SRGAP3: variants seen among roughly 807,000 people sequenced by gnomAD.
SRGAP3 encodes the protein SLIT-ROBO Rho GTPase-activating protein 3.
In SRGAP3, 39 loss-of-function variants were observed where a neutral mutation model predicts 121.1. The observed-to-expected ratio is 0.32, with a 90% CI of 0.25 to 0.42. SRGAP3 has a LOEUF of 0.42. Ranked by LOEUF, SRGAP3 falls within the 10% of genes least tolerant of loss-of-function variation. SRGAP3 has a pLI of 1.00. For missense variants in SRGAP3, 1,213 were observed against 1,470.6 expected, an observed-to-expected ratio of 0.82 and a Z score of 2.86; for synonymous variants, 601 against 570.0, an observed-to-expected ratio of 1.05 and a Z score of -0.77.
At chr3:9,129,468 CAAAAA>C (rs750384100) in intron 1 of SRGAP3, among the ~76,000 whole-genome samples, 2 of 68,998 alleles carry the variant, frequency 2.9e-5, no homozygotes, top group African/African-American at 4.6e-5. Context: ...GGTAGGTAAG[CAAAAA>C]AAAAAAAAAA....
At chr3:9,060,486 G>C (rs1318857820) in intron 5 of SRGAP3, 127 bp from the exon 6 acceptor site, 1 of 1,275,404 alleles carries the variant, frequency 7.8e-7, no homozygotes. Flanking sequence ...GAGTGCAGTG[G>C]TGTGATCATA....
chr3:9,162,242 T>C (rs1307488026), intron 1 of SRGAP3, among the ~76,000 whole-genome samples: 3 of 152,160 alleles, frequency 2.0e-5, no homozygotes, highest in Admixed American at 2.0e-4. Context: ...AGAATTTGAA[T>C]GTACTTAATG....
intron 1 of SRGAP3, among the ~76,000 whole-genome samples, chr3:9,360,364 C>T (rs2030729281): frequency 6.6e-6 from 1 of 152,162 alleles, no homozygotes; most frequent in Non-Finnish European, 1.5e-5. Context: ...GTTAAAAATG[C>T]ATTATAACCC....
At chr3:9,241,442 G>A (rs935957107) in intron 1 of SRGAP3, among the ~76,000 whole-genome samples, 4 of 152,196 alleles carry the variant, frequency 2.6e-5, no homozygotes, top group African/African-American at 9.7e-5. Flanking sequence ...GGAGGGGCCT[G>A]GAAGGAAGTG....
At chr3:9,241,574 T>C (rs1438330493) in intron 1 of SRGAP3, among the ~76,000 whole-genome samples, 2 of 152,192 alleles carry the variant, frequency 1.3e-5, no homozygotes. Context: ...TAAGAATATT[T>C]CCTCTCCCAG....
chr3:9,290,656 G>A (rs973902637), intron 3 of SRGAP3, among the ~76,000 whole-genome samples: 2 of 152,152 alleles, frequency 1.3e-5, no homozygotes, highest in African/African-American at 2.4e-5. Context: ...AAAACTTGCA[G>A]ATCCAAGCTA....
intron 3 of SRGAP3, among the ~76,000 whole-genome samples, chr3:9,301,005 C>T (rs1574984885): frequency 6.6e-6 from 1 of 152,134 alleles, no homozygotes; most frequent in Non-Finnish European, 1.5e-5. Context: ...CAGCTCAGCA[C>T]CTCTGGGAGC....
At chr3:9,180,878 G>A (rs540806720) in intron 1 of SRGAP3, among the ~76,000 whole-genome samples, 8 of 152,182 alleles carry the variant, frequency 5.3e-5, no homozygotes, top group Admixed American at 4.6e-4. Context: ...TACACCATCC[G>A]CCGGCTTCAC....
At chr3:9,346,416 T>A (rs1364129167) in intron 1 of SRGAP3, among the ~76,000 whole-genome samples, 1 of 152,160 alleles carries the variant, frequency 6.6e-6, no homozygotes, top group African/African-American at 2.4e-5. Flanking sequence ...CTTGTTTTTC[T>A]ATTTTTAATC....
At chr3:9,074,729 A>G (rs1202635327) in intron 4 of SRGAP3, among the ~76,000 whole-genome samples, 1 of 152,188 alleles carries the variant, frequency 6.6e-6, no homozygotes, top group Non-Finnish European at 1.5e-5. Context: ...ACCTTTGCCA[A>G]GATTTGCCTG....
rs73150023 is a variant in SRGAP3, at chr3:9,077,907, C to T, written c.486+2118G>A. On this transcript the variant is annotated intron_variant, in intron 4 of 21. Coordinates refer to ENST00000383836, the MANE Select transcript of SRGAP3 (RefSeq NM_014850.4). ...GTGAAGGGACTTGCCCAAGGCCACA[C>T]AGCTGGGTTCAAATGGAGCCTTTGG... Among the ~76,000 whole-genome samples, 923 of 152,326 alleles carry T rather than the reference C, an allele frequency of 6.1e-3. 9 individuals are homozygous for T. Among genetic ancestry groups the T allele is most frequent in the African/African-American group, 0.021 (871 of 41,576 alleles).
At chr3:9,334,271 G>C (rs978467235) in intron 1 of SRGAP3, among the ~76,000 whole-genome samples, 2 of 151,990 alleles carry the variant, frequency 1.3e-5, no homozygotes, top group African/African-American at 2.4e-5. Flanking sequence ...CAATTTCAAT[G>C]GTATTCAATC....
chr3:9,284,582 A>G (rs1559259335), intron 3 of SRGAP3, among the ~76,000 whole-genome samples: 2 of 152,202 alleles, frequency 1.3e-5, no homozygotes, highest in Non-Finnish European at 2.9e-5. Flanking sequence ...TGTAATCCCA[A>G]CATTTTAGAA....
At chr3:9,061,698 G>A (rs1249716094) in intron 5 of SRGAP3, among the ~76,000 whole-genome samples, 6 of 152,202 alleles carry the variant, frequency 3.9e-5, no homozygotes, top group Admixed American at 2.0e-4. Context: ...CCCTGCACAA[G>A]GTCATTTTCA....
chr3:9,207,878 C>A (rs1458085648), intron 1 of SRGAP3, among the ~76,000 whole-genome samples: 2 of 152,236 alleles, frequency 1.3e-5, no homozygotes, highest in Admixed American at 6.5e-5. Context: ...GTGTCCACCA[C>A]ACCATGCAAC....
intron 20 of SRGAP3, 116 bp from the exon 21 acceptor site, chr3:8,990,955 G>A (rs1019103531): frequency 8.7e-6 from 8 of 918,756 alleles, no homozygotes; most frequent in Admixed American, 6.1e-5. Context: ...AGCGGGTACA[G>A]TAAAGCCTCA....
At chr3:9,019,449 A>G (rs1399576006) in intron 14 of SRGAP3, among the ~76,000 whole-genome samples, 4 of 152,216 alleles carry the variant, frequency 2.6e-5, no homozygotes, top group Non-Finnish European at 5.9e-5. Context: ...ATTTAATCAG[A>G]GCTGCTGGGC....
intron 10 of SRGAP3, among the ~76,000 whole-genome samples, chr3:9,041,027 G>A (rs972358834): frequency 5.3e-5 from 8 of 152,366 alleles, no homozygotes; most frequent in Admixed American, 2.0e-4. Context: ...TGTAGAATGA[G>A]TGAATGAATG....
At chr3:9,187,370 G>A (rs951476998) in intron 1 of SRGAP3, among the ~76,000 whole-genome samples, 12 of 152,146 alleles carry the variant, frequency 7.9e-5, no homozygotes, top group Non-Finnish European at 1.8e-4. Flanking sequence ...CATCACTGCT[G>A]TCCAGTGATT....
Sources: gnomAD v4.1 joint callset for allele counts (sites outside exome capture counted in the v4.1 genomes callset) on GRCh38, gnomAD v4.1.1 for gene constraint, MANE v1.5 for transcripts, NCBI Gene and HGNC (gene_info 2026-07-23, HGNC 2026-07-21) for gene names.